The following RSBN1L variants were observed in gnomAD, a reference collection of about 807,000 sequenced individuals.
The protein encoded by RSBN1L is round spermatid basic protein 1 like.
A neutral mutation model predicts 67.7 loss-of-function variants in RSBN1L; 30 were observed. The observed-to-expected ratio is 0.44, with a 90% CI of 0.33 to 0.60. RSBN1L has a LOEUF of 0.60. Ranked by LOEUF, RSBN1L falls within the 20% of genes least tolerant of loss-of-function variation. The probability of loss-of-function intolerance (pLI) is 0.02; values close to 1 mark genes in which losing one functional copy is unlikely to be tolerated. For synonymous variants in RSBN1L, 433 were observed against 387.0 expected (o/e 1.12, Z -1.39); for missense variants, 992 against 1,031.7 (o/e 0.96, Z 0.53).
chr7:77,755,778 G>T (rs1268849016), intron 3 of RSBN1L, among the ~76,000 whole-genome samples: 1 of 152,136 alleles, frequency 6.6e-6, no homozygotes, highest in East Asian at 1.9e-4. Context: ...TAACTATGAA[G>T]TTTCAACCTG....
At chr7:77,739,739 CTTTTTTTTTTTTTTT>C (rs1173154183) in intron 2 of RSBN1L, among the ~76,000 whole-genome samples, 10 of 42,684 alleles carry the variant, frequency 2.3e-4, no homozygotes, top group South Asian at 1.4e-3. Context: ...AAAAATGTGT[CTTTTTTTTTTTTTTT>C]TTTTTTTTTT....
intron 2 of RSBN1L, among the ~76,000 whole-genome samples, chr7:77,737,788 C>G (rs1374559025): frequency 1.3e-5 from 2 of 152,000 alleles, no homozygotes; most frequent in South Asian, 2.1e-4. Flanking sequence ...TTTGGGAGGC[C>G]GAGGCGGGTG....
chr7:77,765,514 A>G lies in RSBN1L; in HGVS notation c.1364A>G (p.His455Arg). The change falls in exon 4 of 8, where the codon CAT (histidine) becomes CGT (arginine). Residue 455 changes from histidine (H) to arginine (R), a missense_variant. By Grantham distance (29) the His-to-Arg change is conservative. Around this residue, in one of 7 missense-constraint regions of RSBN1L, gnomAD observed 63 missense variants for 84.8 expected, o/e 0.74. Transcript: ENST00000334955. ...FHAQVKRTYS[H>R]GTYRAGPMRQ... The stretch of plus-strand genomic sequence containing the variant: ...CTTCAGGTAAAAAGAACGTATTCTC[A>G]TGGTACTTACAGAGCTGGCCCAATG... 7 of 1,588,836 alleles carry G rather than the reference A, an allele frequency of 4.4e-6. No homozygotes were observed. Among genetic ancestry groups the G allele is most frequent in the African/African-American group, 4.0e-5 (3 of 74,368 alleles).
At chr7:77,724,865 G>A (rs554806959) in intron 1 of RSBN1L, among the ~76,000 whole-genome samples, 21 of 144,042 alleles carry the variant, frequency 1.5e-4, no homozygotes, top group African/African-American at 4.6e-4. Flanking sequence ...TTTTTGAGAC[G>A]GAGTTTCGCT....
At chr7:77,717,697 G>T (rs1350148063) in intron 1 of RSBN1L, among the ~76,000 whole-genome samples, 1 of 152,158 alleles carries the variant, frequency 6.6e-6, no homozygotes, top group African/African-American at 2.4e-5. Flanking sequence ...TGTGGAGTGA[G>T]GGCAGGCAGA....
chr7:77,746,373 C>G (rs1260846925), intron 2 of RSBN1L, among the ~76,000 whole-genome samples: 2 of 152,094 alleles, frequency 1.3e-5, no homozygotes, highest in Admixed American at 6.5e-5. Flanking sequence ...GTGCTGCACA[C>G]TTGTAAACAA....
Position 77,705,216 on chromosome 7 carries a change from G to A in RSBN1L, c.586+8161G>A, listed in dbSNP as rs577389266. Among the ~76,000 whole-genome samples, 3 of 151,994 alleles carry A rather than the reference G, an allele frequency of 2.0e-5. No individual in the cohort carries two copies. The East Asian group carries it at 5.8e-4, about 29-fold the overall frequency. On this transcript the variant is annotated intron_variant, in intron 1 of 7. Coordinates refer to ENST00000334955, the MANE Select transcript of RSBN1L (RefSeq NM_198467.3). The stretch of plus-strand genomic sequence containing the variant: ...TACCTTGACTTTTTAATATGACATT[G>A]ACTTTTTGAAGATACCAGTCCAGCA...
intron 2 of RSBN1L, 65 bp from the exon 3 acceptor site, chr7:77,749,359 G>A (rs111582751): frequency 8.1e-7 from 1 of 1,231,906 alleles, no homozygotes. Flanking sequence ...AGACAAAACT[G>A]TTCCTAAAGC....
chr7:77,744,606 C>T (rs1308688368), intron 2 of RSBN1L, among the ~76,000 whole-genome samples: 3 of 151,490 alleles, frequency 2.0e-5, no homozygotes, highest in African/African-American at 7.3e-5. Flanking sequence ...TTAGTAGAGA[C>T]GGGGTTTCAC....
At chr7:77,747,308 G>A (rs1186648088) in intron 2 of RSBN1L, among the ~76,000 whole-genome samples, 1 of 152,214 alleles carries the variant, frequency 6.6e-6, no homozygotes, top group Non-Finnish European at 1.5e-5. Context: ...AGAGCCAACT[G>A]CTAATAGACT....
chr7:77,702,962 G>C (rs1234529595), intron 1 of RSBN1L, among the ~76,000 whole-genome samples: 3 of 152,112 alleles, frequency 2.0e-5, no homozygotes, highest in African/African-American at 4.8e-5. Context: ...TTCAGATACA[G>C]TCACATTGGG....
rs1334117964 is a variant in RSBN1L at position 77,697,040 on chromosome 7, A to C, written c.571A>C (p.Lys191Gln). The C allele has an allele frequency of 2.0e-6, 3 of 1,500,578 alleles. No individual in the cohort carries two copies. Among genetic ancestry groups the C allele is most frequent in the Non-Finnish European group, 2.7e-6 (3 of 1,127,948 alleles). 93.0% of individuals were successfully genotyped at this position (1,500,578 alleles called of 1,614,324 possible). A position where few individuals can be genotyped will look rare whatever the true frequency, so the allele number is the denominator to read the frequency against. ...CTCCCGGGAGGAGAACGGGGAGGTG[A>C]AGCCGCTGCCCCGAGGTGGGTGCCG... ...GASREENGEVKPLPRDKIKDK... is the reference protein window; with the variant it reads ...GASREENGEVQPLPRDKIKDK... The change falls in exon 1 of 8, where the codon AAG becomes CAG. Residue 191 changes from lysine (K) to glutamine (Q), a missense_variant. Transcript: ENST00000334955.
At chr7:77,766,063 C>A (rs954154869) in intron 4 of RSBN1L, among the ~76,000 whole-genome samples, 1 of 152,180 alleles carries the variant, frequency 6.6e-6, no homozygotes, top group Non-Finnish European at 1.5e-5. Context: ...GGAAAACTCG[C>A]CTGGGAAATT....
At chr7:77,758,893 T>A (rs1192775070) in intron 3 of RSBN1L, among the ~76,000 whole-genome samples, 1 of 152,232 alleles carries the variant, frequency 6.6e-6, no homozygotes, top group Admixed American at 6.5e-5. Flanking sequence ...TCTGGAACCC[T>A]GTACTAAGAA....
chr7:77,714,397 T>C (rs866882147), intron 1 of RSBN1L, among the ~76,000 whole-genome samples: 5 of 152,234 alleles, frequency 3.3e-5, no homozygotes, highest in Middle Eastern at 3.2e-3. Flanking sequence ...CCAAGGGTGA[T>C]CTGTTTTCTG....
chr7:77,727,902 TTTC>T (rs1361305275), intron 1 of RSBN1L, among the ~76,000 whole-genome samples: 3 of 152,232 alleles, frequency 2.0e-5, no homozygotes, highest in Non-Finnish European at 4.4e-5. Context: ...TTTATATGGC[TTTC>T]TTCATTTTTG....
chr7:77,724,414 CCTTT>C (rs1452609990), intron 1 of RSBN1L, among the ~76,000 whole-genome samples: 1 of 151,154 alleles, frequency 6.6e-6, no homozygotes, highest in East Asian at 1.9e-4. Context: ...TATATGAATC[CCTTT>C]CTTTTTCTTT....
At chr7:77,751,461 CG>C (rs1791555964) in intron 3 of RSBN1L, among the ~76,000 whole-genome samples, 2 of 152,002 alleles carry the variant, frequency 1.3e-5, no homozygotes, top group Non-Finnish European at 2.9e-5. Flanking sequence ...TTTTAATGTG[CG>C]TATGTGGGAA....
At chr7:77,773,359 C>G (rs751938877) in intron 6 of RSBN1L, 45 bp downstream of exon 6, 43 of 1,348,056 alleles carry the variant, frequency 3.2e-5, no homozygotes, top group Middle Eastern at 2.0e-4. Context: ...TTCTTGGCTT[C>G]TACAATTTTT....
Sources: allele counts gnomAD v4.1 joint callset (sites outside exome capture counted in the v4.1 genomes callset), GRCh38; gene constraint gnomAD v4.1.1; regional missense constraint gnomAD v4.1.1; transcripts MANE v1.5; gene names NCBI Gene and HGNC (gene_info 2026-07-23, HGNC 2026-07-21).